COL14A1: variants seen among roughly 807,000 people sequenced by gnomAD.
COL14A1 encodes collagen alpha-1(XIV) chain.
A neutral mutation model predicts 230.3 loss-of-function variants in COL14A1; 136 were observed. That is an observed-to-expected ratio of 0.59 (90% CI 0.51 to 0.68). The LOEUF (loss-of-function observed/expected upper bound fraction) is 0.68, where lower values mean the gene tolerates loss of function less well. Among genes scored for constraint, COL14A1 ranks in the 30% least tolerant of loss-of-function variants. COL14A1 has a pLI of 0.00. For synonymous variants in COL14A1, 792 were observed against 784.1 expected (o/e 1.01, Z -0.17); for missense variants, 1,976 against 2,215.8 (o/e 0.89, Z 2.17).
chr8:120,371,089 G>T, intron 47 of COL14A1, 63 bp from the exon 48 acceptor site: 1 of 1,375,660 alleles, frequency 7.3e-7, no homozygotes, highest in Non-Finnish European at 1.0e-6. Context: ...CCCAGGTGAG[G>T]GGAGAATATC....
chr8:120,205,739 A>G (rs1003113478), intron 9 of COL14A1, among the ~76,000 whole-genome samples: 1 of 152,170 alleles, frequency 6.6e-6, no homozygotes, highest in African/African-American at 2.4e-5. Flanking sequence ...TTTAGAGCTC[A>G]GTTTTTCCAA....
chr8:120,243,424 A>G (rs1818667043), intron 19 of COL14A1, among the ~76,000 whole-genome samples: 1 of 152,158 alleles, frequency 6.6e-6, no homozygotes, highest in African/African-American at 2.4e-5. Flanking sequence ...TTTCTAACTG[A>G]AAGAAGAAAA....
intron 20 of COL14A1, among the ~76,000 whole-genome samples, chr8:120,245,644 T>C (rs1162038464): frequency 6.6e-6 from 1 of 152,120 alleles, no homozygotes; most frequent in African/African-American, 2.4e-5. Flanking sequence ...CCACATGGGA[T>C]TGATCAGTGT....
intron 36 of COL14A1, among the ~76,000 whole-genome samples, chr8:120,303,332 T>A (rs1348628903): frequency 6.6e-6 from 1 of 152,174 alleles, no homozygotes; most frequent in Non-Finnish European, 1.5e-5. Flanking sequence ...CAATAGGAAA[T>A]GCTTCCAGCT....
At chr8:120,175,706 T>C (rs190787327) in intron 5 of COL14A1, among the ~76,000 whole-genome samples, 72 of 152,326 alleles carry the variant, frequency 4.7e-4, no homozygotes, top group African/African-American at 1.7e-3. Flanking sequence ...AGAGATCATA[T>C]GGCCTGCAAA....
At chr8:120,316,891 A>G (rs1006604245) in intron 40 of COL14A1, among the ~76,000 whole-genome samples, 3 of 152,214 alleles carry the variant, frequency 2.0e-5, no homozygotes, top group Non-Finnish European at 2.9e-5. Flanking sequence ...TGTTGAATGC[A>G]TGTGCACACT....
chr8:120,254,864 T>G lies in COL14A1; in HGVS notation c.2753-376T>G, dbSNP rs372407016. On this transcript the variant is annotated intron_variant, in intron 22 of 47. Transcript: ENST00000297848. ...AAAATTAGCTGCATGTGGTGGCACA[T>G]GCCTGTGATCCCAACTACTTGGAAG... Among the ~76,000 whole-genome samples the G allele has an allele frequency of 5.4e-5, 8 of 149,216 alleles. No homozygotes were observed. The East Asian group carries it at 7.9e-4, about 15-fold the overall frequency.
chr8:120,201,734 A>T (rs759206682), intron 8 of COL14A1, among the ~76,000 whole-genome samples: 1 of 152,192 alleles, frequency 6.6e-6, no homozygotes, highest in Admixed American at 6.5e-5. Flanking sequence ...AGAATGCTTG[A>T]TTCAAGAAGT....
At chr8:120,166,925 GGTGATGA>G (rs1477638955) in intron 4 of COL14A1, among the ~76,000 whole-genome samples, 20 of 104,534 alleles carry the variant, frequency 1.9e-4, no homozygotes, top group African/African-American at 6.4e-4. Context: ...TGTGTGTGGT[GGTGATGA>G]TGGTGGTGGT....
chr8:120,207,486 G>A (rs1309873834), intron 10 of COL14A1, among the ~76,000 whole-genome samples: 7 of 152,092 alleles, frequency 4.6e-5, no homozygotes, highest in Admixed American at 6.5e-5. Flanking sequence ...TCCAAAGTAC[G>A]TGGTCATATA....
chr8:120,194,178 A>G (rs958465205), intron 5 of COL14A1, among the ~76,000 whole-genome samples: 5 of 152,180 alleles, frequency 3.3e-5, no homozygotes, highest in Non-Finnish European at 7.3e-5. Flanking sequence ...AGCCATTCCT[A>G]TTCGGCCATC....
chr8:120,185,411 T>G (rs1463611809), intron 5 of COL14A1, among the ~76,000 whole-genome samples: 1 of 152,116 alleles, frequency 6.6e-6, no homozygotes, highest in Non-Finnish European at 1.5e-5. Context: ...TCCCAGTGCT[T>G]TGGGAGGCCA....
chr8:120,215,243 C>T (rs910605339), intron 13 of COL14A1, among the ~76,000 whole-genome samples: 18 of 152,048 alleles, frequency 1.2e-4, no homozygotes, highest in Non-Finnish European at 2.5e-4. Flanking sequence ...TGGTGACACA[C>T]GCCTGTAATC....
intron 30 of COL14A1, 42 bp from the exon 31 acceptor site, chr8:120,280,879 T>C (rs1820013389): frequency 6.6e-7 from 1 of 1,522,390 alleles, no homozygotes; most frequent in Admixed American, 2.1e-5. Context: ...AAGTGCCATA[T>C]TCCTTATGTT....
At chr8:120,172,539 A>G (rs571266395) in intron 5 of COL14A1, among the ~76,000 whole-genome samples, 1 of 152,248 alleles carries the variant, frequency 6.6e-6, no homozygotes, top group East Asian at 1.9e-4. Context: ...TTGTGGACTC[A>G]TGTGGAAATT....
At chr8:120,328,496 T>C (rs1203488547) in intron 40 of COL14A1, among the ~76,000 whole-genome samples, 5 of 151,746 alleles carry the variant, frequency 3.3e-5, no homozygotes, top group Non-Finnish European at 1.5e-5. Context: ...CCTCCCAACA[T>C]GCTGGGATTA....
At position 120,345,457 on chromosome 8, in the gene COL14A1, G is replaced by A; in HGVS notation, c.4971G>A (p.Gly1657=). 1 of 1,602,670 alleles carries A rather than the reference G, an allele frequency of 6.2e-7. No homozygotes were observed. The highest frequency in any genetic ancestry group is 2.3e-5 in the East Asian group (1 of 43,684). ...SSIRTVQGPP[G]EPGRPGSPGA... is the part of the protein sequence containing the mutation. ...TCCGGACTGTCCAAGGGCCTCCTGGGGAGCCTGGGAGGCCAGGCTCACCTG... is the reference window on the plus strand; with the variant it reads ...TCCGGACTGTCCAAGGGCCTCCTGGAGAGCCTGGGAGGCCAGGCTCACCTG... The change falls in exon 45 of 48, where the codon GGG becomes GGA. Residue 1657 remains glycine, a synonymous_variant. Coordinates refer to ENST00000297848, the MANE Select transcript of COL14A1 (RefSeq NM_021110.4).
intron 4 of COL14A1, among the ~76,000 whole-genome samples, chr8:120,167,660 T>C (rs1020830196): frequency 1.3e-5 from 2 of 152,194 alleles, no homozygotes; most frequent in African/African-American, 4.8e-5. Flanking sequence ...TGAAAAGGAA[T>C]TATTATAAGG....
intron 23 of COL14A1, among the ~76,000 whole-genome samples, chr8:120,261,580 T>G (rs1819330512): frequency 6.6e-6 from 1 of 152,180 alleles, no homozygotes; most frequent in South Asian, 2.1e-4. Context: ...ACAGCAATTT[T>G]TCTATGGATG....
Sources: gnomAD v4.1 joint callset for allele counts (sites outside exome capture counted in the v4.1 genomes callset) on GRCh38, gnomAD v4.1.1 for gene constraint, MANE v1.5 for transcripts, NCBI Gene and HGNC (gene_info 2026-07-23, HGNC 2026-07-21) for gene names.